TBX21: variants seen among roughly 807,000 people sequenced by gnomAD.
The protein encoded by TBX21 is T-box transcription factor TBX21.
A neutral mutation model predicts 52.2 loss-of-function variants in TBX21; 11 were observed. The observed-to-expected ratio is 0.21, with a 90% confidence interval of 0.13 to 0.35. TBX21 has a LOEUF of 0.35. TBX21 is among the 10% of genes least tolerant of loss of function. The pLI, the probability that TBX21 is intolerant of heterozygous loss-of-function variation, is 1.00. For missense variants in TBX21, 625 were observed against 755.1 expected, an observed-to-expected ratio of 0.83 and a Z score of 2.02; for synonymous variants, 300 against 316.1, an observed-to-expected ratio of 0.95 and a Z score of 0.54.
rs1355818596 is a variant in TBX21, at chr17:47,741,817, C to G, written c.492-793C>G. On this transcript the variant is annotated intron_variant, in intron 1 of 5. Transcript: ENST00000177694. ...GGGTGTGCAGGTAGATGTCGAGCAA[C>G]TGACCCTCTGAAAGAACATTTTAAA... Among the ~76,000 whole-genome samples the G allele has an allele frequency of 3.5e-4, 53 of 152,130 alleles. 1 individual carries two copies. Among genetic ancestry groups the G allele is most frequent in the Non-Finnish European group, 5.9e-5 (4 of 68,022 alleles).
chr17:47,738,152 TTTAA>T (rs1422777755), intron 1 of TBX21, among the ~76,000 whole-genome samples: 1 of 152,076 alleles, frequency 6.6e-6, no homozygotes, highest in African/African-American at 2.4e-5. Context: ...TGAAAACAAC[TTTAA>T]TTAAAAATTT....
Position 47,742,804 on chromosome 17 carries a change from GGACTGGGC to G in TBX21, c.646+42_646+49del, listed in dbSNP as rs1464095556. The stretch of plus-strand genomic sequence containing the variant: ...GGGAGCGGTGGGCTCTGTTTCGCTG[GGACTGGGC>G]GCCCCCTGGTGGGCCCACCAAGCCC... On this transcript the variant is annotated intron_variant, in intron 2 of 5. Transcript: ENST00000177694. This position sits in a 1 kb window ranked among gnomAD's most constrained non-coding sequence, Gnocchi z 4.4. 1 of 1,528,872 alleles carries G rather than the reference GGACTGGGC, an allele frequency of 6.5e-7. No homozygotes were observed. The highest frequency in any genetic ancestry group is 8.8e-7 in the Non-Finnish European group (1 of 1,135,586). 94.7% of individuals were successfully genotyped at this position (1,528,872 alleles called of 1,614,324 possible).
At position 47,733,623 on chromosome 17, in the gene TBX21, C is replaced by T; in HGVS notation, c.169C>T (p.Pro57Ser). ...ERRGGGSLGSPYPGGALVPAP... is the reference protein window; with the variant it reads ...ERRGGGSLGSSYPGGALVPAP... ...TCGCGGGGGCGGCAGCCTGGGGTCT[C>T]CCTACCCGGGGGGCGCCTTGGTGCC... is the stretch of plus-strand genomic sequence containing the variant. The change falls in exon 1 of 6, where the codon CCC becomes TCC. Residue 57 changes from proline to serine, a missense_variant. Physicochemically the swap from Pro to Ser is moderately conservative, Grantham distance 74. This residue lies in a region of TBX21 where 221 missense variants were observed against 204.9 expected (regional missense o/e 1.08). Transcript: ENST00000177694. This position sits in a 1 kb window ranked among gnomAD's most constrained non-coding sequence, Gnocchi z 6.6. 6.9e-7 allele frequency: 1 copy of T among 1,452,150 alleles called. No individual in the cohort carries two copies. Among genetic ancestry groups the T allele is most frequent in the Non-Finnish European group, 9.0e-7 (1 of 1,108,310 alleles). The allele number at this position is 1,452,150 out of a possible 1,614,324, so 90.0% of individuals were successfully genotyped here.
Position 47,744,478 on chromosome 17 carries a change from C to G in TBX21, c.928-4C>G, listed in dbSNP as rs17250953. The G allele has an allele frequency of 0.046, 74,086 of 1,614,080 alleles. 2,006 individuals carry two copies. Among genetic ancestry groups the G allele is most frequent in the Middle Eastern group, 0.13 (814 of 6,062 alleles). ...TCAGGTGACTCTATTTCCCTTCTCTCTAGATTACTCAGCTGAAAATTGATA... is the reference window on the plus strand; with the variant it reads ...TCAGGTGACTCTATTTCCCTTCTCTGTAGATTACTCAGCTGAAAATTGATA... On this transcript the variant is annotated splice_polypyrimidine_tract_variant and splice_region_variant and intron_variant, in intron 4 of 5. Coordinates refer to ENST00000177694, the MANE Select transcript of TBX21 (RefSeq NM_013351.2).
In TBX21 at chr17:47,745,235, G is replaced by T; in HGVS notation, c.1477G>T (p.Gly493Cys). ...IRPESSDSGL[G>C]EGDSKRRRVS... Reference sequence around the variant, plus strand: ...GCCGGAATCCAGTGATTCAGGACTGGGCGAAGGAGACTCTAAGAGGAGGCG... The same window carrying T: ...GCCGGAATCCAGTGATTCAGGACTGTGCGAAGGAGACTCTAAGAGGAGGCG... Residue 493 changes from glycine to cysteine, a missense_variant, in exon 6 of 6, where the codon GGC (glycine) becomes TGC (cysteine). By Grantham distance (159) the Gly-to-Cys change is radical (BLOSUM62 -3). Transcript: ENST00000177694. 6.2e-7 allele frequency: 1 copy of T among 1,614,232 alleles called. No homozygotes were observed. Among genetic ancestry groups the T allele is most frequent in the Non-Finnish European group, 8.5e-7 (1 of 1,180,044 alleles).
chr17:47,742,512 G>A lies in TBX21; in HGVS notation c.492-98G>A, dbSNP rs971648519. On this transcript the variant is annotated intron_variant, in intron 1 of 5. Transcript: ENST00000177694. The surrounding 1 kb of genome is among the most constrained non-coding windows in gnomAD (Gnocchi z 4.4). ...TGGTTCTTGTGAGTGGGAGGAAGCC[G>A]GCTACAGCACACCACTGATGCCTGG... 23 of 1,394,586 alleles carry A rather than the reference G, an allele frequency of 1.6e-5. No individual in the cohort carries two copies. The highest frequency in any genetic ancestry group is 2.1e-5 in the Non-Finnish European group (22 of 1,051,790). The allele number at this position is 1,394,586 out of a possible 1,614,324, so 86.4% of individuals were successfully genotyped here.
intron 1 of TBX21, among the ~76,000 whole-genome samples, chr17:47,740,319 C>T (rs1331240703): frequency 6.6e-6 from 1 of 152,154 alleles, no homozygotes; most frequent in Non-Finnish European, 1.5e-5. Context: ...CCACCCTCCT[C>T]GGCCTCACAA....
Position 47,744,295 on chromosome 17 carries a change from A to G in TBX21, c.869A>G (p.His290Arg), listed in dbSNP as rs778576966. ...GCAGCCTGCAACGCTTCCAACACGC[A>G]TATCTTTACTTTCCAAGAAACCCAG... ...PEAACNASNT[H>R]IFTFQETQFI... The change falls in exon 4 of 6, where the codon CAT becomes CGT. Residue 290 changes from histidine to arginine, a missense_variant. Transcript: ENST00000177694. The G allele has an allele frequency of 8.7e-6, 14 of 1,614,098 alleles. No homozygotes were observed. The highest frequency in any genetic ancestry group is 1.2e-5 in the Non-Finnish European group (14 of 1,180,044).
At chr17:47,737,050 G>T (rs2143424750) in intron 1 of TBX21, among the ~76,000 whole-genome samples, 1 of 152,272 alleles carries the variant, frequency 6.6e-6, no homozygotes, top group South Asian at 2.1e-4. Flanking sequence ...GTGATTCCTG[G>T]GTCTGGAGAT....
Position 47,742,463 on chromosome 17 carries a change from C to T in TBX21, c.492-147C>T. ...ATGGCTGTGTTTAACCACTGGCTGG[C>T]AAACTCCCTAAACACCTTCCAGCTG... On this transcript the variant is annotated intron_variant, in intron 1 of 5. Coordinates refer to ENST00000177694, the MANE Select transcript of TBX21 (RefSeq NM_013351.2). The surrounding 1 kb of genome is among the most constrained non-coding windows in gnomAD (Gnocchi z 4.4). 2 of 896,354 alleles carry T rather than the reference C, an allele frequency of 2.2e-6. No homozygotes were observed. Among genetic ancestry groups the T allele is most frequent in the South Asian group, 4.8e-5 (2 of 41,810 alleles). 55.5% of individuals were successfully genotyped at this position (896,354 alleles called of 1,614,324 possible).
chr17:47,742,522 C>A lies in TBX21; in HGVS notation c.492-88C>A. On this transcript the variant is annotated intron_variant, in intron 1 of 5. Transcript: ENST00000177694. This position sits in a 1 kb window ranked among gnomAD's most constrained non-coding sequence, Gnocchi z 4.4. ...GAGTGGGAGGAAGCCGGCTACAGCA[C>A]ACCACTGATGCCTGGGCACTGTTGC... is the stretch of plus-strand genomic sequence containing the variant. The A allele has an allele frequency of 1.4e-6, 2 of 1,443,376 alleles. No individual in the cohort carries two copies. The highest frequency in any genetic ancestry group is 1.8e-6 in the Non-Finnish European group (2 of 1,084,900). The allele number at this position is 1,443,376 out of a possible 1,614,324, so 89.4% of individuals were successfully genotyped here. A position where few individuals can be genotyped will look rare whatever the true frequency, so the allele number is the denominator to read the frequency against.
Position 47,733,706 on chromosome 17 carries a change from C to G in TBX21, c.252C>G (p.Ala84=), listed in dbSNP as rs1299241696. Residue 84 remains alanine, a synonymous_variant, in exon 1 of 6, where the codon GCC becomes GCG. Coordinates refer to ENST00000177694, the MANE Select transcript of TBX21 (RefSeq NM_013351.2). This position sits in a 1 kb window ranked among gnomAD's most constrained non-coding sequence, Gnocchi z 6.6. ...CCTACCCGCCGCGACCCCAGGCGGCCGGCTTCCCCGGCGCGGGCGAGTCCT... is the reference window on the plus strand; with the variant it reads ...CCTACCCGCCGCGACCCCAGGCGGCGGGCTTCCCCGGCGCGGGCGAGTCCT... ...AYAYPPRPQA[A]GFPGAGESFP... The G allele has an allele frequency of 1.1e-5, 15 of 1,417,058 alleles. No individual in the cohort carries two copies. The highest frequency in any genetic ancestry group is 1.4e-5 in the Non-Finnish European group (15 of 1,086,244). The allele number at this position is 1,417,058 out of a possible 1,614,324, so 87.8% of individuals were successfully genotyped here. A position where few individuals can be genotyped will look rare whatever the true frequency, so the allele number is the denominator to read the frequency against.
intron 4 of TBX21, 48 bp downstream of exon 4, chr17:47,744,401 A>C: frequency 6.2e-7 from 1 of 1,613,888 alleles, no homozygotes; most frequent in Non-Finnish European, 8.5e-7. Flanking sequence ...AGTGGGGCCC[A>C]CTGTCTTCCT....
rs200345177 is a variant in TBX21 at position 47,745,104 on chromosome 17, G to A, written c.1346G>A (p.Arg449His). Residue 449 changes from arginine to histidine, a missense_variant, in exon 6 of 6, where the codon CGC (arginine) becomes CAC (histidine). This residue lies in a region of TBX21 where 261 missense variants were observed against 275.1 expected (regional missense o/e 0.95). Transcript: ENST00000177694. ...AAGATGGGCCCGGCCAGCTGGTTCCGCCCTATGCGGACTCTGCCCATGGAA... is the reference window on the plus strand; with the variant it reads ...AAGATGGGCCCGGCCAGCTGGTTCCACCCTATGCGGACTCTGCCCATGGAA... ...PPKMGPASWF[R>H]PMRTLPMEPG... 40 of 1,613,892 alleles carry A rather than the reference G, an allele frequency of 2.5e-5. No individual in the cohort carries two copies. Among genetic ancestry groups the A allele is most frequent in the East Asian group, 1.3e-4 (6 of 44,876 alleles).
chr17:47,745,131 C>T lies in TBX21; in HGVS notation c.1373C>T (p.Pro458Leu), dbSNP rs751380458. ...CCTATGCGGACTCTGCCCATGGAACCCGGCCCTGGAGGCTCAGAGGGACGG... is the reference window on the plus strand; with the variant it reads ...CCTATGCGGACTCTGCCCATGGAACTCGGCCCTGGAGGCTCAGAGGGACGG... ...FRPMRTLPME[P>L]GPGGSEGRGP... The change falls in exon 6 of 6, where the codon CCC becomes CTC. Residue 458 changes from proline (P) to leucine (L), a missense_variant. By Grantham distance (98) the Pro-to-Leu change is moderately conservative. Around this residue, in one of 4 missense-constraint regions of TBX21, gnomAD observed 261 missense variants for 275.1 expected, o/e 0.95. Coordinates refer to ENST00000177694, the MANE Select transcript of TBX21 (RefSeq NM_013351.2). The T allele has an allele frequency of 1.2e-6, 2 of 1,614,196 alleles. No homozygotes were observed. The highest frequency in any genetic ancestry group is 1.7e-6 in the Non-Finnish European group (2 of 1,180,032).
In TBX21 at chr17:47,733,711, TC is replaced by T; in HGVS notation, c.261del (p.Gly88AlafsTer50). 1 of 1,417,328 alleles carries T rather than the reference TC, an allele frequency of 7.1e-7. No homozygotes were observed. Among genetic ancestry groups the T allele is most frequent in the South Asian group, 1.5e-5 (1 of 65,364 alleles). 87.8% of individuals were successfully genotyped at this position (1,417,328 alleles called of 1,614,324 possible). On this transcript the variant is annotated frameshift_variant, in exon 1 of 6. Transcript: ENST00000177694. LOFTEE classifies it high-confidence loss of function. The surrounding 1 kb of genome is among the most constrained non-coding windows in gnomAD (Gnocchi z 6.6). The stretch of plus-strand genomic sequence containing the variant: ...CCGCCGCGACCCCAGGCGGCCGGCT[TC>T]CCCGGCGCGGGCGAGTCCTTCCCGC... ...AYPPRPQAAG[F>X]PGAGESFPPP...
Position 47,743,874 on chromosome 17 carries a change from C to T in TBX21, c.769-321C>T, listed in dbSNP as rs559270770. Among the ~76,000 whole-genome samples, 126 of 129,700 alleles carry T rather than the reference C, an allele frequency of 9.7e-4. 2 individuals carry two copies. The highest frequency in any genetic ancestry group is 3.7e-3 in the African/African-American group (121 of 33,146). 85.1% of individuals were successfully genotyped at this position (129,700 alleles called of 152,430 possible). A position where few individuals can be genotyped will look rare whatever the true frequency, so the allele number is the denominator to read the frequency against. Reference sequence around the variant, plus strand: ...CAGCCTGGGTGACAGAGTGAGACTCCGTCTCAAAAAAAAAAAAAAAAGAAA... The same window carrying T: ...CAGCCTGGGTGACAGAGTGAGACTCTGTCTCAAAAAAAAAAAAAAAAGAAA... On this transcript the variant is annotated intron_variant, in intron 3 of 5. Transcript: ENST00000177694.
At position 47,745,521 on chromosome 17, in the gene TBX21, T is replaced by G; in HGVS notation, c.*155T>G. ...GGGAAGTGGGGCTCAAGAAGGATTTTGGGGTTCACCAGATGCTTCCTGGCC... is the reference window on the plus strand; with the variant it reads ...GGGAAGTGGGGCTCAAGAAGGATTTGGGGGTTCACCAGATGCTTCCTGGCC... On this transcript the variant is annotated 3_prime_UTR_variant, in exon 6 of 6. Coordinates refer to ENST00000177694, the MANE Select transcript of TBX21 (RefSeq NM_013351.2). The G allele has an allele frequency of 2.7e-6, 3 of 1,113,234 alleles. No individual in the cohort carries two copies. The highest frequency in any genetic ancestry group is 3.7e-6 in the Non-Finnish European group (3 of 807,136). 69.0% of individuals were successfully genotyped at this position (1,113,234 alleles called of 1,614,324 possible).
chr17:47,743,898 A>G (rs2032296928), intron 3 of TBX21, among the ~76,000 whole-genome samples: 1 of 151,440 alleles, frequency 6.6e-6, no homozygotes, highest in Non-Finnish European at 1.5e-5. Context: ...AAAAAAAAGA[A>G]AAAAGAAAAA....
Sources: allele counts gnomAD v4.1 joint callset (sites outside exome capture counted in the v4.1 genomes callset), GRCh38; gene constraint gnomAD v4.1.1; regional missense constraint gnomAD v4.1.1; non-coding constraint Gnocchi (gnomAD v3.1); transcripts MANE v1.5; gene names NCBI Gene and HGNC (gene_info 2026-07-23, HGNC 2026-07-21).